Variants in CDH7 observed in about 807,000 individuals in gnomAD.
CDH7 encodes the protein cadherin-7.
A neutral mutation model predicts 71.8 loss-of-function variants in CDH7; 25 were observed. The ratio of observed to expected loss-of-function variants is 0.35; its 90% CI spans 0.25 to 0.49. The LOEUF (loss-of-function observed/expected upper bound fraction) is 0.49. Among genes scored for constraint, CDH7 ranks in the 20% least tolerant of loss-of-function variants. The pLI is 0.99. For missense variants in CDH7, 862 were observed against 974.6 expected, an observed-to-expected ratio of 0.88 and a Z score of 1.54; for synonymous variants, 381 against 363.8, an observed-to-expected ratio of 1.05 and a Z score of -0.54.
chr18:65,768,496 A>G (rs1006284632), intron 2 of CDH7, among the ~76,000 whole-genome samples: 5 of 152,192 alleles, frequency 3.3e-5, no homozygotes, highest in African/African-American at 1.2e-4. Flanking sequence ...TCGGCCTCCC[A>G]AAGTGTATAT....
At chr18:65,818,129 C>T (rs554106887) in intron 4 of CDH7, among the ~76,000 whole-genome samples, 7 of 152,164 alleles carry the variant, frequency 4.6e-5, no homozygotes, top group South Asian at 2.1e-4. Context: ...AAATATAATG[C>T]GGTATATTTA....
chr18:65,799,181 G>A (rs1328163846), intron 2 of CDH7, among the ~76,000 whole-genome samples: 1 of 151,990 alleles, frequency 6.6e-6, no homozygotes, highest in Non-Finnish European at 1.5e-5. Context: ...CCCCCATTAG[G>A]TAAGAGAAGC....
intron 2 of CDH7, among the ~76,000 whole-genome samples, chr18:65,766,885 TAAAAA>T (rs61611288): frequency 2.1e-4 from 19 of 88,630 alleles, no homozygotes; most frequent in African/African-American, 5.3e-4. Flanking sequence ...CTGTCTGACG[TAAAAA>T]AAAAAAAAAA....
At chr18:65,821,998 G>A in intron 4 of CDH7, 83 bp from the exon 5 acceptor site, 2 of 1,058,512 alleles carry the variant, frequency 1.9e-6, no homozygotes, top group South Asian at 2.6e-5. Flanking sequence ...ACTCAAGAGG[G>A]ACTTACTACT....
chr18:65,780,224 G>A (rs1224753836), intron 2 of CDH7, among the ~76,000 whole-genome samples: 1 of 118,784 alleles, frequency 8.4e-6, no homozygotes, highest in African/African-American at 3.7e-5. Context: ...AGATGAGTAG[G>A]TTGCTAAAAT....
chr18:65,815,225 G>A lies in CDH7; in HGVS notation c.625+621G>A, dbSNP rs980310966. On this transcript the variant is annotated intron_variant, in intron 4 of 11. Transcript: ENST00000397968. ...CTGTTTACATTAAGACTATAACATG[G>A]GACATTGTTATCTTGGTTATTAATT... Among the ~76,000 whole-genome samples, 8 of 152,038 alleles carry A rather than the reference G, an allele frequency of 5.3e-5. No individual in the cohort carries two copies. The East Asian group carries it at 7.7e-4, about 15-fold the overall frequency.
chr18:65,770,275 C>T (rs187252710), intron 2 of CDH7, among the ~76,000 whole-genome samples: 83 of 152,190 alleles, frequency 5.5e-4, no homozygotes, highest in South Asian at 8.3e-4. Context: ...GAAAGTTTCA[C>T]TAATATAGAG....
At chr18:65,790,656 G>A (rs1309127328) in intron 2 of CDH7, among the ~76,000 whole-genome samples, 1 of 152,144 alleles carries the variant, frequency 6.6e-6, no homozygotes, top group African/African-American at 2.4e-5. Context: ...ATCACTTGAG[G>A]TCAGGAGTCC....
chr18:65,817,441 T>C (rs1045953237), intron 4 of CDH7, among the ~76,000 whole-genome samples: 4 of 152,198 alleles, frequency 2.6e-5, no homozygotes, highest in African/African-American at 9.6e-5. Context: ...AATTCTTTGA[T>C]GTTCCAGAAG....
At chr18:65,779,769 T>C (rs1022336513) in intron 2 of CDH7, among the ~76,000 whole-genome samples, 1 of 56,076 alleles carries the variant, frequency 1.8e-5, no homozygotes, top group Non-Finnish European at 2.9e-5. Context: ...AACATACGTG[T>C]GCATGTGTCT....
chr18:65,807,796 T>C lies in CDH7; in HGVS notation c.211-1908T>C, dbSNP rs372527973. ...GGCAAGAAGGAACCCTTCTCATAAG[T>C]CATAAAATGCACACATGGAAACCAC... On this transcript the variant is annotated intron_variant, in intron 2 of 11. Coordinates refer to ENST00000397968, the MANE Select transcript of CDH7 (RefSeq NM_004361.5). Among the ~76,000 whole-genome samples, 10 of 152,290 alleles carry C rather than the reference T, an allele frequency of 6.6e-5. 1 individual carries two copies. Among genetic ancestry groups the C allele is most frequent in the African/African-American group, 2.4e-4 (10 of 41,560 alleles).
At chr18:65,764,527 G>A (rs1242716762) in intron 2 of CDH7, among the ~76,000 whole-genome samples, 1 of 151,884 alleles carries the variant, frequency 6.6e-6, no homozygotes, top group Non-Finnish European at 1.5e-5. Flanking sequence ...TTCTTATAAA[G>A]AAATTGAGAG....
At chr18:65,753,294 C>T (rs552142038) in intron 1 of CDH7, among the ~76,000 whole-genome samples, 26 of 152,248 alleles carry the variant, frequency 1.7e-4, no homozygotes, top group African/African-American at 5.3e-4. Flanking sequence ...TGAGCAAATA[C>T]TTTTTTGTCA....
intron 1 of CDH7, among the ~76,000 whole-genome samples, chr18:65,754,775 G>T (rs1915987017): frequency 6.6e-6 from 1 of 152,118 alleles, no homozygotes; most frequent in Non-Finnish European, 1.5e-5. Flanking sequence ...ATACTGTCCT[G>T]AGTTGGTACC....
At chr18:65,866,315 C>CAAA (rs1568228989) in intron 11 of CDH7, 6 of 1,358 alleles carry the variant, frequency 4.4e-3, no homozygotes, top group African/African-American at 7.5e-3. Flanking sequence ...AAAAAAAAAA[C>CAAA]AAAAAAAAAA....
intron 11 of CDH7, among the ~76,000 whole-genome samples, chr18:65,872,824 G>A (rs1913966966): frequency 6.6e-6 from 1 of 152,026 alleles, no homozygotes; most frequent in African/African-American, 2.4e-5. Flanking sequence ...GAGCCTAGGA[G>A]TTTGAGGCTG....
intron 2 of CDH7, among the ~76,000 whole-genome samples, chr18:65,801,512 G>A (rs564078158): frequency 3.3e-5 from 5 of 152,306 alleles, no homozygotes; most frequent in South Asian, 4.1e-4. Flanking sequence ...TTACCGAATA[G>A]CAATGTATAT....
chr18:65,782,520 AT>A (rs1482236920), intron 2 of CDH7, among the ~76,000 whole-genome samples: 1 of 151,754 alleles, frequency 6.6e-6, no homozygotes, highest in African/African-American at 2.4e-5. Context: ...ATAGAGCAAA[AT>A]TTTCTTTTGG....
chr18:65,854,174 C>A (rs1018419542), intron 7 of CDH7, among the ~76,000 whole-genome samples: 1 of 151,298 alleles, frequency 6.6e-6, no homozygotes, highest in Non-Finnish European at 1.5e-5. Context: ...GGCACAGTGG[C>A]CCATGTGTGT....
Sources: allele counts gnomAD v4.1 joint callset (sites outside exome capture counted in the v4.1 genomes callset), GRCh38; gene constraint gnomAD v4.1.1; transcripts MANE v1.5; gene names NCBI Gene and HGNC (gene_info 2026-07-23, HGNC 2026-07-21).